The following EML1 variants were observed in gnomAD, a reference collection of about 807,000 sequenced individuals.
EML1 encodes EMAP like 1.
EML1 carries 27 observed loss-of-function variants against 110.4 expected under a neutral mutation model. That is an observed-to-expected ratio of 0.24 (90% CI 0.18 to 0.34). EML1 has a LOEUF of 0.34. EML1 is among the 10% of genes least tolerant of loss of function. The pLI is 1.00. For missense variants in EML1, 741 were observed against 1,030.9 expected (o/e 0.72, Z 3.85); for synonymous variants, 344 against 385.8 (o/e 0.89, Z 1.27).
chr14:99,737,725 TG>T, exon 1 of EML1: 1 of 1,191,806 alleles, frequency 8.4e-7, no homozygotes. Context: ...GGACGCTGCC[TG>T]GGGCTGGACG....
At chr14:99,752,837 TAC>T (rs1294945978) in intron 1 of EML1, among the ~76,000 whole-genome samples, 1 of 152,042 alleles carries the variant, frequency 6.6e-6, no homozygotes, top group East Asian at 1.9e-4. Context: ...CATTAAAAAA[TAC>T]ACAGTTTTAA....
chr14:99,840,384 A>G (rs1052847061), intron 1 of EML1, among the ~76,000 whole-genome samples: 10 of 152,200 alleles, frequency 6.6e-5, no homozygotes, highest in African/African-American at 2.4e-4. Flanking sequence ...CTCACAGCTC[A>G]CCCTCGGCTG....
intron 4 of EML1, among the ~76,000 whole-genome samples, chr14:99,890,134 T>TAC (rs1026529966): frequency 2.0e-5 from 3 of 152,088 alleles, no homozygotes; most frequent in Non-Finnish European, 2.9e-5. Context: ...TTGTTTTAAA[T>TAC]ACACACACAC....
chr14:99,894,417 C>G (rs1455747544), intron 5 of EML1: 1 of 408,702 alleles, frequency 2.4e-6, no homozygotes, highest in Non-Finnish European at 4.0e-6. Flanking sequence ...ATCTCATGTA[C>G]TTAAGTAAAC....
At chr14:99,890,469 C>T (rs2059567794) in intron 4 of EML1, among the ~76,000 whole-genome samples, 1 of 152,194 alleles carries the variant, frequency 6.6e-6, no homozygotes, top group African/African-American at 2.4e-5. Flanking sequence ...GCGGCCGCCT[C>T]TCCTTCTGCC....
intron 1 of EML1, among the ~76,000 whole-genome samples, chr14:99,752,242 A>C (rs1005401677): frequency 6.6e-6 from 1 of 152,058 alleles, no homozygotes; most frequent in Non-Finnish European, 1.5e-5. Flanking sequence ...ACCCAGGAGG[A>C]CACTCGAAAT....
chr14:99,922,405 C>G (rs143237768), intron 17 of EML1, among the ~76,000 whole-genome samples: 1 of 152,082 alleles, frequency 6.6e-6, no homozygotes, highest in African/African-American at 2.4e-5. Context: ...CGTGAGCCAC[C>G]GCACCCTGGC....
At chr14:99,749,123 C>T (rs7157462) in intron 1 of EML1, among the ~76,000 whole-genome samples, 2 of 152,216 alleles carry the variant, frequency 1.3e-5, no homozygotes, top group Admixed American at 6.5e-5. Flanking sequence ...TATGAACACT[C>T]GTGTACCAGT....
intron 1 of EML1, among the ~76,000 whole-genome samples, chr14:99,804,600 AGTGAATGATGGG>A (rs1387737557): frequency 6.6e-6 from 1 of 152,132 alleles, no homozygotes; most frequent in Admixed American, 6.5e-5. Context: ...ATGCTCGATG[AGTGAATGATGGG>A]AAAAAAGATG....
chr14:99,898,350 A>G (rs891263189), intron 8 of EML1, 48 bp downstream of exon 8: 2 of 1,559,104 alleles, frequency 1.3e-6, no homozygotes, highest in Non-Finnish European at 1.7e-6. Context: ...TGGTAACACA[A>G]AGTAATTTTT....
intron 1 of EML1, among the ~76,000 whole-genome samples, chr14:99,835,777 C>G (rs1340377029): frequency 1.3e-5 from 2 of 152,216 alleles, no homozygotes; most frequent in Non-Finnish European, 2.9e-5. Context: ...ATATTTCCAA[C>G]ACCATTTGCT....
At position 99,939,311 on chromosome 14, in the gene EML1, C is replaced by G; in HGVS notation, c.2306C>G (p.Pro769Arg). The G allele has an allele frequency of 1.9e-6, 3 of 1,614,204 alleles. No homozygotes were observed. The highest frequency in any genetic ancestry group is 2.2e-5 in the East Asian group (1 of 44,880). The change falls in exon 21 of 22, where the codon CCC becomes CGC. Residue 769 changes from proline (P) to arginine (R), a missense_variant. Physicochemically the swap from Pro to Arg is moderately radical, Grantham distance 103. This residue lies in a region of EML1 where 114 missense variants were observed against 122.5 expected (regional missense o/e 0.93). Transcript: ENST00000262233. The surrounding 1 kb of genome is among the most constrained non-coding windows in gnomAD (Gnocchi z 4.2). ...GGCAAAGTGCACCTCTTCTCATACCCCTGCTCGCAGTTCAGGGTAAAGGAC... is the reference window on the plus strand; with the variant it reads ...GGCAAAGTGCACCTCTTCTCATACCGCTGCTCGCAGTTCAGGGTAAAGGAC... ...DFGKVHLFSYPCSQFRAPSHI... is the reference protein window; with the variant it reads ...DFGKVHLFSYRCSQFRAPSHI...
intron 1 of EML1, among the ~76,000 whole-genome samples, chr14:99,842,594 T>C (rs975187715): frequency 5.9e-5 from 9 of 152,202 alleles, no homozygotes; most frequent in African/African-American, 2.2e-4. Flanking sequence ...TTTTTAACCA[T>C]TTGTATTTGA....
At chr14:99,759,232 G>A (rs1451279260) in intron 1 of EML1, among the ~76,000 whole-genome samples, 1 of 152,228 alleles carries the variant, frequency 6.6e-6, no homozygotes, top group Non-Finnish European at 1.5e-5. Context: ...TCTGGGGTGA[G>A]CACAGCAGTC....
chr14:99,810,155 G>A (rs1288469205), intron 1 of EML1, among the ~76,000 whole-genome samples: 1 of 152,156 alleles, frequency 6.6e-6, no homozygotes, highest in Non-Finnish European at 1.5e-5. Flanking sequence ...GAACTGCAAG[G>A]CCATTTTACA....
At chr14:99,805,009 G>A (rs1250598326) in intron 1 of EML1, among the ~76,000 whole-genome samples, 7 of 152,160 alleles carry the variant, frequency 4.6e-5, no homozygotes, top group African/African-American at 1.2e-4. Flanking sequence ...TCCACATGCT[G>A]AGCGCCCTTG....
At chr14:99,913,221 A>G (rs1490785722) in intron 13 of EML1, among the ~76,000 whole-genome samples, 2 of 152,046 alleles carry the variant, frequency 1.3e-5, no homozygotes, top group Non-Finnish European at 2.9e-5. Context: ...TGGCTCTGTC[A>G]CCCAGGCTGG....
chr14:99,922,692 G>A (rs1462966412), intron 17 of EML1, among the ~76,000 whole-genome samples: 1 of 152,128 alleles, frequency 6.6e-6, no homozygotes. Context: ...TAAAGAGGGT[G>A]TAATGGCATC....
intron 1 of EML1, among the ~76,000 whole-genome samples, chr14:99,817,095 T>C (rs972774148): frequency 7.5e-6 from 1 of 134,128 alleles, no homozygotes; most frequent in Non-Finnish European, 1.7e-5. Flanking sequence ...TCCAAAGTTC[T>C]TTCTTTTTTT....
Sources: allele counts gnomAD v4.1 joint callset (sites outside exome capture counted in the v4.1 genomes callset), GRCh38; gene constraint gnomAD v4.1.1; regional missense constraint gnomAD v4.1.1; non-coding constraint Gnocchi (gnomAD v3.1); transcripts MANE v1.5; gene names NCBI Gene and HGNC (gene_info 2026-07-23, HGNC 2026-07-21).